PGC: variants seen among roughly 807,000 people sequenced by gnomAD.
The protein encoded by PGC is progastricsin, also known as gastricsin.
Under a neutral mutation model 45.9 loss-of-function variants are expected in PGC, and 31 were observed. That is an observed-to-expected ratio of 0.67 (90% CI 0.51 to 0.91). PGC has a LOEUF of 0.91. PGC is among the 40% of genes least tolerant of loss of function. The pLI is 0.00. For synonymous variants in PGC, 192 were observed against 201.8 expected, an observed-to-expected ratio of 0.95 and a Z score of 0.41; for missense variants, 477 against 493.2, an observed-to-expected ratio of 0.97 and a Z score of 0.31.
intron 1 of PGC, among the ~76,000 whole-genome samples, 199 bp from the exon 2 acceptor site, chr6:41,745,007 G>A (rs73733017): frequency 6.7e-6 from 1 of 149,718 alleles, no homozygotes; most frequent in African/African-American, 2.4e-5. Context: ...GTGTGTGTGT[G>A]TGTGTGTGCG....
chr6:41,736,711 TA>T lies in PGC; in HGVS notation c.*140del. On this transcript the variant is annotated 3_prime_UTR_variant, in exon 9 of 9. Coordinates refer to ENST00000373025, the MANE Select transcript of PGC (RefSeq NM_002630.4). ...TCCAAAAACAACAGGATGACCAACA[TA>T]AAGAAGAACTATTTATTATTAGAGA... 1.1e-6 allele frequency: 1 copy of T among 943,496 alleles called. No homozygotes were observed. The highest frequency in any genetic ancestry group is 1.7e-6 in the Non-Finnish European group (1 of 585,438). The allele number at this position is 943,496 out of a possible 1,614,324, so 58.4% of individuals were successfully genotyped here.
At chr6:41,742,266 G>A (rs758639883) in intron 5 of PGC, 24 bp downstream of exon 5, 1 of 1,607,628 alleles carries the variant, frequency 6.2e-7, no homozygotes. Context: ...CCGGGAGGTG[G>A]GGACTGGCCA....
intron 8 of PGC, 41 bp downstream of exon 8, chr6:41,737,689 C>A (rs764954045): frequency 7.9e-7 from 1 of 1,264,582 alleles, no homozygotes; most frequent in Admixed American, 1.7e-5. Context: ...TTCCTCCCAA[C>A]CCCAATCATG....
intron 1 of PGC, among the ~76,000 whole-genome samples, chr6:41,745,017 G>A (rs902384774): frequency 1.6e-4 from 21 of 127,794 alleles, no homozygotes; most frequent in Admixed American, 6.9e-4. Flanking sequence ...GTGTGTGTGC[G>A]CGCGCGCGTG....
In PGC at chr6:41,738,667, A is replaced by G. The variant is rs139004477; in HGVS notation, c.916-839T>C. Among the ~76,000 whole-genome samples, 25 of 148,104 alleles carry G rather than the reference A, an allele frequency of 1.7e-4. No homozygotes were observed. The East Asian group carries it at 5.0e-3, about 29-fold the overall frequency. Reference sequence around the variant, plus strand: ...AACAACAACAACAACGACAAAAACAACACAGATGGCTGGGCGTGGTGGCTC... The same window carrying G: ...AACAACAACAACAACGACAAAAACAGCACAGATGGCTGGGCGTGGTGGCTC... On this transcript the variant is annotated intron_variant, in intron 7 of 8. Transcript: ENST00000373025.
chr6:41,745,014 TGCGC>T (rs10616955), intron 1 of PGC, among the ~76,000 whole-genome samples: 2 of 99,782 alleles, frequency 2.0e-5, no homozygotes, highest in East Asian at 7.6e-4. Context: ...TGTGTGTGTG[TGCGC>T]GCGCGCGTGT....
chr6:41,744,578 G>T lies in PGC; in HGVS notation c.211-64C>A. On this transcript the variant is annotated intron_variant, in intron 2 of 8. Coordinates refer to ENST00000373025, the MANE Select transcript of PGC (RefSeq NM_002630.4). The surrounding 1 kb of genome is among the most constrained non-coding windows in gnomAD (Gnocchi z 4.4). ...CCAGGGGCCCCAGGCTCCTCCATGG[G>T]CAGAGGAGTGAAGGGACCTGCCCCT... is the stretch of plus-strand genomic sequence containing the variant. The T allele has an allele frequency of 6.3e-7, 1 of 1,583,746 alleles. No homozygotes were observed. The highest frequency in any genetic ancestry group is 8.6e-7 in the Non-Finnish European group (1 of 1,156,232).
At chr6:41,740,939 G>A (rs1771810879) in intron 5 of PGC, 2 of 1,495,240 alleles carry the variant, frequency 1.3e-6, no homozygotes, top group African/African-American at 1.4e-5. Context: ...CCCTTAGACT[G>A]GGGCTTTCTG....
chr6:41,743,398 G>A lies in PGC; in HGVS notation c.329-9C>T, dbSNP rs770416373. ...GAAGCGGGAGTGACTGGCTGCAGGG[G>A]AGTCAGGGCATGGGGAGTCAGGCCG... is the stretch of plus-strand genomic sequence containing the variant. On this transcript the variant is annotated splice_polypyrimidine_tract_variant and intron_variant, in intron 3 of 8. Coordinates refer to ENST00000373025, the MANE Select transcript of PGC (RefSeq NM_002630.4). 3.8e-6 allele frequency: 6 copies of A among 1,567,112 alleles called. No homozygotes were observed. In the East Asian group the frequency reaches 6.7e-5, roughly 18 times the overall value.
intron 1 of PGC, among the ~76,000 whole-genome samples, chr6:41,746,952 C>T (rs576802079): frequency 7.3e-4 from 111 of 152,326 alleles, no homozygotes; most frequent in African/African-American, 2.1e-3. Flanking sequence ...GGATTGCTCC[C>T]TTCTGTGAGA....
chr6:41,745,480 C>T (rs937899231), intron 1 of PGC, among the ~76,000 whole-genome samples: 2 of 151,582 alleles, frequency 1.3e-5, no homozygotes, highest in South Asian at 2.1e-4. Context: ...CCTCGTGACT[C>T]GCCTGCCTAG....
At chr6:41,741,780 T>C (rs1368486198) in intron 5 of PGC, 1 of 1,531,700 alleles carries the variant, frequency 6.5e-7, no homozygotes, top group Middle Eastern at 1.7e-4. Flanking sequence ...TTGTGTTGAC[T>C]GGCAAGGATA....
At position 41,747,356 on chromosome 6, in the gene PGC, A is replaced by T. The variant is rs763250892; in HGVS notation, c.-22T>A. 5.0e-6 allele frequency: 8 copies of T among 1,609,980 alleles called. No homozygotes were observed. The Admixed American group carries it at 1.2e-4, about 23-fold the overall frequency. On this transcript the variant is annotated 5_prime_UTR_variant, in exon 1 of 9. Transcript: ENST00000373025. ...TCATGATGCTGGTCCCCAACTGGCC[A>T]CAGAGGAAGAGCAGCTCTGAGTTCT...
chr6:41,744,905 C>T lies in PGC; in HGVS notation c.60-97G>A. On this transcript the variant is annotated intron_variant, in intron 1 of 8. Transcript: ENST00000373025. This position sits in a 1 kb window ranked among gnomAD's most constrained non-coding sequence, Gnocchi z 4.4. ...CCTTCTCTTAACTGCATGCTTCAACCTCCCTGCCACTCTGTTTGTTCCCCC... is the reference window on the plus strand; with the variant it reads ...CCTTCTCTTAACTGCATGCTTCAACTTCCCTGCCACTCTGTTTGTTCCCCC... The T allele has an allele frequency of 2.9e-6, 3 of 1,028,358 alleles. No homozygotes were observed. The highest frequency in any genetic ancestry group is 3.1e-5 in the South Asian group (2 of 64,326). 63.7% of individuals were successfully genotyped at this position (1,028,358 alleles called of 1,614,324 possible). A position where few individuals can be genotyped will look rare whatever the true frequency, so the allele number is the denominator to read the frequency against.
chr6:41,740,933 T>C (rs1328449480), intron 5 of PGC: 1 of 1,487,262 alleles, frequency 6.7e-7, no homozygotes, highest in African/African-American at 1.4e-5. Flanking sequence ...ATGCGTCCCT[T>C]AGACTGGGGC....
intron 8 of PGC, 49 bp from the exon 9 acceptor site, chr6:41,737,053 T>C: frequency 6.4e-7 from 1 of 1,554,486 alleles, no homozygotes; most frequent in Non-Finnish European, 8.8e-7. Flanking sequence ...ACACATGAGC[T>C]GGGCCCTGCT....
intron 5 of PGC, 111 bp from the exon 6 acceptor site, chr6:41,740,721 G>A: frequency 2.7e-6 from 4 of 1,480,128 alleles, no homozygotes; most frequent in Non-Finnish European, 2.7e-6. Context: ...CCAGACGGGG[G>A]CTCCCTGAGG....
rs1654955701 is a variant in PGC at position 41,744,266 on chromosome 6, C to A, written c.328+131G>T. The A allele has an allele frequency of 3.2e-6, 2 of 632,012 alleles. No individual in the cohort carries two copies. Among genetic ancestry groups the A allele is most frequent in the Non-Finnish European group, 5.7e-6 (2 of 353,538 alleles). 39.2% of individuals were successfully genotyped at this position (632,012 alleles called of 1,614,324 possible). On this transcript the variant is annotated intron_variant, in intron 3 of 8. Transcript: ENST00000373025. The surrounding 1 kb of genome is among the most constrained non-coding windows in gnomAD (Gnocchi z 4.4). The stretch of plus-strand genomic sequence containing the variant: ...GGCTTGGGCATGCTGTGTGGCCCTG[C>A]ACATGTCCCTGGTCCTCCCCAGGAC...
At chr6:41,741,141 AG>A (rs2127289776) in intron 5 of PGC, 1 of 1,537,032 alleles carries the variant, frequency 6.5e-7, no homozygotes, top group East Asian at 2.4e-5. Context: ...GGAGACAGGT[AG>A]GGTCTTGGTG....
Sources: gnomAD v4.1 joint callset for allele counts (sites outside exome capture counted in the v4.1 genomes callset) on GRCh38, gnomAD v4.1.1 for gene constraint, Gnocchi (gnomAD v3.1) non-coding constraint, MANE v1.5 for transcripts, NCBI Gene and HGNC (gene_info 2026-07-23, HGNC 2026-07-21) for gene names.